The following C16orf92 variants were observed in gnomAD, a reference collection of about 807,000 sequenced individuals.
The protein encoded by C16orf92 is fertilization-influencing membrane protein.
Under a neutral mutation model 13.7 loss-of-function variants are expected in C16orf92, and 14 were observed. The ratio of observed to expected loss-of-function variants is 1.02; its 90% confidence interval spans 0.67 to 1.60. The LOEUF is 1.60. Ranked by LOEUF, C16orf92 falls within the 40% of genes most tolerant of loss-of-function variation. The pLI is 0.00. For missense variants in C16orf92, 116 were observed against 139.0 expected (o/e 0.83, Z 0.83); for synonymous variants, 50 against 57.4 (o/e 0.87, Z 0.58).
At chr16:30,023,926 G>A in intron 2 of C16orf92, 41 bp downstream of exon 2, 4 of 1,594,646 alleles carry the variant, frequency 2.5e-6, no homozygotes, top group Non-Finnish European at 3.4e-6. Context: ...CCCCGCCAGG[G>A]TCTGGAGGAG....
Position 30,023,338 on chromosome 16 carries a change from GT to G in C16orf92, c.-2del. On this transcript the variant is annotated 5_prime_UTR_variant, in exon 1 of 4. Transcript: ENST00000681219. ...ACAGAGCCCCCACCTCATGATAGGA[GT>G]CATGAGGCTGTGGCCATGGGTGCTG... The G allele has an allele frequency of 6.2e-7, 1 of 1,600,388 alleles. No individual in the cohort carries two copies. The highest frequency in any genetic ancestry group is 8.5e-7 in the Non-Finnish European group (1 of 1,173,552).
Position 30,024,060 on chromosome 16 carries a change from T to C in C16orf92, c.285T>C (p.Phe95=). 1 of 1,613,778 alleles carries C rather than the reference T, an allele frequency of 6.2e-7. No individual in the cohort carries two copies. The change falls in exon 3 of 4, where the codon TTT becomes TTC. Residue 95 remains phenylalanine (F), a synonymous_variant. Transcript: ENST00000681219. ...GCTTGCTGGTGGTGGCGTTCTTCTT[T>C]CTCCTTTTCCAGTTCTGCACCCACA... ...LVGLLVVAFF[F]LLFQFCTHIN... is the part of the protein sequence containing the mutation.
chr16:30,025,492 C>T, downstream of C16orf92: 2 of 1,609,594 alleles, frequency 1.2e-6, no homozygotes, highest in Non-Finnish European at 1.7e-6. The surrounding 1 kb of genome is among the most constrained non-coding windows in gnomAD (Gnocchi z 4.1). Flanking sequence ...ACACAGTGGC[C>T]ACGGCAGCAG....
At position 30,024,310 on chromosome 16, in the gene C16orf92, C is replaced by T. The variant is rs1379291471; in HGVS notation, c.*83C>T. 3 of 1,525,260 alleles carry T rather than the reference C, an allele frequency of 2.0e-6. No individual in the cohort carries two copies. Among genetic ancestry groups the T allele is most frequent in the Admixed American group, 1.7e-5 (1 of 57,562 alleles). The allele number at this position is 1,525,260 out of a possible 1,614,324, so 94.5% of individuals were successfully genotyped here. On this transcript the variant is annotated 3_prime_UTR_variant, in exon 4 of 4. Transcript: ENST00000681219. Reference sequence around the variant, plus strand: ...TTGATGAGCAAAAGTTCCCTGCTTTCCTCCTCCCTGACTGCCCAGCGAGCA... The same window carrying T: ...TTGATGAGCAAAAGTTCCCTGCTTTTCTCCTCCCTGACTGCCCAGCGAGCA...
At position 30,024,303 on chromosome 16, in the gene C16orf92, CT is replaced by C; in HGVS notation, c.*77del. On this transcript the variant is annotated 3_prime_UTR_variant, in exon 4 of 4. Coordinates refer to ENST00000681219, the MANE Select transcript of C16orf92 (RefSeq NM_001109659.2). ...TCTCCTGTTGATGAGCAAAAGTTCCCTGCTTTCCTCCTCCCTGACTGCCCAG... is the reference window on the plus strand; with the variant it reads ...TCTCCTGTTGATGAGCAAAAGTTCCCGCTTTCCTCCTCCCTGACTGCCCAG... 6.5e-7 allele frequency: 1 copy of C among 1,538,314 alleles called. No homozygotes were observed. Among genetic ancestry groups the C allele is most frequent in the South Asian group, 1.1e-5 (1 of 88,092 alleles).
At chr16:30,026,870 G>T, downstream of C16orf92, 1 of 1,594,606 alleles carries the variant, frequency 6.3e-7, no homozygotes, top group South Asian at 1.1e-5. Context: ...CGGGGTGGGG[G>T]AGCAAGGAGG....
rs207475843 is a variant in C16orf92 at position 30,023,776 on chromosome 16, G to T, written c.114G>T (p.Pro38=). The T allele has an allele frequency of 6.2e-7, 1 of 1,614,094 alleles. No homozygotes were observed. The highest frequency in any genetic ancestry group is 8.5e-7 in the Non-Finnish European group (1 of 1,179,978). ...CGTCAGCCCTGGGGACAGAGTCTCC[G>T]CGCTTCTTAGACAGACCTGACTTCT... ...ATASALGTES[P]RFLDRPDFFD... Residue 38 remains proline, a synonymous_variant, in exon 2 of 4, where the codon CCG becomes CCT. Coordinates refer to ENST00000681219, the MANE Select transcript of C16orf92 (RefSeq NM_001109659.2).
In C16orf92 at chr16:30,024,046, G is replaced by A; in HGVS notation, c.271G>A (p.Val91Met). 6.2e-7 allele frequency: 1 copy of A among 1,614,076 alleles called. No individual in the cohort carries two copies. The highest frequency in any genetic ancestry group is 8.5e-7 in the Non-Finnish European group (1 of 1,179,950). ...FHHILVGLLVVAFFFLLFQFC... is the reference protein window; with the variant it reads ...FHHILVGLLVMAFFFLLFQFC... ...TCACATCCTGGTGGGCTTGCTGGTG[G>A]TGGCGTTCTTCTTTCTCCTTTTCCA... The change falls in exon 3 of 4, where the codon GTG becomes ATG. Residue 91 changes from valine (V) to methionine (M), a missense_variant. Physicochemically the swap from Val to Met is conservative, Grantham distance 21 (BLOSUM62 1). Transcript: ENST00000681219.
downstream of C16orf92, chr16:30,025,626 G>T: frequency 6.8e-7 from 1 of 1,462,114 alleles, no homozygotes; most frequent in South Asian, 1.1e-5. The surrounding 1 kb of genome is among the most constrained non-coding windows in gnomAD (Gnocchi z 4.1). Flanking sequence ...GGTGAGGGGG[G>T]GATGACGAAG....
downstream of C16orf92, chr16:30,025,152 G>A: frequency 7.5e-7 from 1 of 1,336,492 alleles, no homozygotes; most frequent in South Asian, 1.5e-5. This position sits in a 1 kb window ranked among gnomAD's most constrained non-coding sequence, Gnocchi z 4.1. Flanking sequence ...GGGGGTGGGG[G>A]TGGGGAGGGG....
downstream of C16orf92, chr16:30,025,342 G>A (rs779686993): frequency 6.3e-7 from 1 of 1,586,594 alleles, no homozygotes; most frequent in South Asian, 1.1e-5. This position sits in a 1 kb window ranked among gnomAD's most constrained non-coding sequence, Gnocchi z 4.1. Context: ...CGGCCAGCAG[G>A]GGCAGGCCGG....
downstream of C16orf92, chr16:30,026,742 C>T (rs143598719): frequency 3.1e-6 from 5 of 1,613,994 alleles, no homozygotes; most frequent in South Asian, 2.2e-5. Flanking sequence ...CCCTCCATGC[C>T]CTTTGACCTG....
rs1340233319 is a variant in C16orf92, at chr16:30,024,477, G to T, written c.*250G>T. The T allele has an allele frequency of 1.6e-5, 9 of 571,882 alleles. No individual in the cohort carries two copies. Among genetic ancestry groups the T allele is most frequent in the Non-Finnish European group, 2.8e-5 (9 of 326,378 alleles). 35.4% of individuals were successfully genotyped at this position (571,882 alleles called of 1,614,324 possible). On this transcript the variant is annotated 3_prime_UTR_variant, in exon 4 of 4. Transcript: ENST00000681219. Reference sequence around the variant, plus strand: ...TTAGCGGTCTGTAAAGCACCTCCCAGGGTCCCCCGACCCCAGATTGGAGGA... The same window carrying T: ...TTAGCGGTCTGTAAAGCACCTCCCATGGTCCCCCGACCCCAGATTGGAGGA...
chr16:30,024,334 C>G lies in C16orf92; in HGVS notation c.*107C>G, dbSNP rs2070989289. On this transcript the variant is annotated 3_prime_UTR_variant, in exon 4 of 4. Transcript: ENST00000681219. The stretch of plus-strand genomic sequence containing the variant: ...TCCTCCTCCCTGACTGCCCAGCGAG[C>G]AGCTGGGGATCCTGTCCCCTCTGTT... 2 of 1,413,742 alleles carry G rather than the reference C, an allele frequency of 1.4e-6. No homozygotes were observed. Among genetic ancestry groups the G allele is most frequent in the Non-Finnish European group, 9.7e-7 (1 of 1,025,852 alleles). 87.6% of individuals were successfully genotyped at this position (1,413,742 alleles called of 1,614,324 possible).
downstream of C16orf92, chr16:30,024,933 G>T: frequency 2.2e-6 from 1 of 446,986 alleles, no homozygotes; most frequent in South Asian, 4.8e-5. Context: ...GCCCTCAGTG[G>T]GTGGGAGGCG....
chr16:30,023,320 C>T lies in C16orf92; in HGVS notation c.-21C>T. 1 of 1,586,836 alleles carries T rather than the reference C, an allele frequency of 6.3e-7. No homozygotes were observed. The highest frequency in any genetic ancestry group is 1.1e-5 in the South Asian group (1 of 87,240). ...GCTCTGGGCTGTGACATCACAGAGC[C>T]CCCACCTCATGATAGGAGTCATGAG... On this transcript the variant is annotated 5_prime_UTR_variant, in exon 1 of 4. Coordinates refer to ENST00000681219, the MANE Select transcript of C16orf92 (RefSeq NM_001109659.2).
Position 30,023,714 on chromosome 16 carries a change from G to T in C16orf92, c.65-13G>T, listed in dbSNP as rs773688509. The stretch of plus-strand genomic sequence containing the variant: ...CAGCTTGGCTGTTGTCACAGAGTTT[G>T]CTTGGGTCCTAGCACCCAGACCCAA... On this transcript the variant is annotated splice_polypyrimidine_tract_variant and intron_variant, in intron 1 of 3. Coordinates refer to ENST00000681219, the MANE Select transcript of C16orf92 (RefSeq NM_001109659.2). 2.5e-6 allele frequency: 4 copies of T among 1,614,098 alleles called. No individual in the cohort carries two copies. In the East Asian group the frequency reaches 8.9e-5, roughly 36 times the overall value.
At chr16:30,027,550 T>C (rs1227614151), downstream of C16orf92, 2 of 455,912 alleles carry the variant, frequency 4.4e-6, no homozygotes, top group Non-Finnish European at 8.8e-6. Flanking sequence ...TCAGCGCTGT[T>C]CGCCCTGCCC....
chr16:30,025,093 G>A, downstream of C16orf92: 1 of 886,756 alleles, frequency 1.1e-6, no homozygotes, highest in Non-Finnish European at 1.6e-6. The surrounding 1 kb of genome is among the most constrained non-coding windows in gnomAD (Gnocchi z 4.1). Flanking sequence ...CCGGGCAAGA[G>A]GACCCTGGCT....
Sources: allele counts gnomAD v4.1 joint callset, GRCh38; gene constraint gnomAD v4.1.1; non-coding constraint Gnocchi (gnomAD v3.1); transcripts MANE v1.5; gene names NCBI Gene and HGNC (gene_info 2026-07-23, HGNC 2026-07-21).